The following SLC4A4 variants were observed in gnomAD, a reference collection of about 807,000 sequenced individuals.
The protein encoded by SLC4A4 is solute carrier family 4 member 4.
In SLC4A4, 27 loss-of-function variants were observed where a neutral mutation model predicts 111.5. That is an observed-to-expected ratio of 0.24 (90% confidence interval 0.18 to 0.33). The LOEUF is 0.33. SLC4A4 is among the 10% of genes least tolerant of loss of function. The pLI is 1.00. For missense variants in SLC4A4, 909 were observed against 1,315.5 expected (o/e 0.69, Z 4.78); for synonymous variants, 443 against 463.4 (o/e 0.96, Z 0.57).
intron 13 of SLC4A4, among the ~76,000 whole-genome samples, chr4:71,469,365 G>A (rs747499325): frequency 6.6e-6 from 1 of 151,746 alleles, no homozygotes; most frequent in Non-Finnish European, 1.5e-5. Flanking sequence ...GATATTACCG[G>A]ATGTATTTTT....
Position 71,453,519 on chromosome 4 carries a change from C to T in SLC4A4, c.1347C>T (p.Asp449=). The T allele has an allele frequency of 6.2e-7, 1 of 1,613,894 alleles. No individual in the cohort carries two copies. Among genetic ancestry groups the T allele is most frequent in the Non-Finnish European group, 8.5e-7 (1 of 1,179,830 alleles). ...TGRFCGGLIK[D]IKRKAPFFAS... is the part of the protein sequence containing the mutation. ...GGTTCTGTGGTGGACTAATTAAAGA[C>T]ATAAAGAGGAAAGCGCCATTTTTTG... The change falls in exon 12 of 26, where the codon GAC becomes GAT. Residue 449 remains aspartate, a synonymous_variant. Coordinates refer to ENST00000264485, the MANE Select transcript of SLC4A4 (RefSeq NM_001098484.3).
chr4:71,502,720 A>G (rs1362450301), intron 16 of SLC4A4, among the ~76,000 whole-genome samples: 1 of 152,112 alleles, frequency 6.6e-6, no homozygotes, highest in Non-Finnish European at 1.5e-5. Context: ...GTTTTCTTAA[A>G]TTTTCTAAGA....
At chr4:71,339,541 G>A in intron 4 of SLC4A4, 36 bp downstream of exon 4, 2 of 1,603,704 alleles carry the variant, frequency 1.2e-6, no homozygotes, top group Non-Finnish European at 1.7e-6. Context: ...TACTGACCCA[G>A]GGAAACAAGG....
chr4:71,413,016 A>G (rs1003106362), intron 7 of SLC4A4, among the ~76,000 whole-genome samples: 4 of 152,326 alleles, frequency 2.6e-5, no homozygotes, highest in Non-Finnish European at 5.9e-5. Flanking sequence ...CTCAGCCAGA[A>G]GCCCCCAGAT....
intron 12 of SLC4A4, among the ~76,000 whole-genome samples, chr4:71,458,465 T>C (rs1054770072): frequency 5.9e-5 from 9 of 152,080 alleles, no homozygotes; most frequent in African/African-American, 2.2e-4. Context: ...TAATTTTAAT[T>C]TTTTTCCAGG....
intron 16 of SLC4A4, among the ~76,000 whole-genome samples, chr4:71,517,375 C>T (rs1447650070): frequency 6.6e-6 from 1 of 151,620 alleles, no homozygotes; most frequent in Non-Finnish European, 1.5e-5. Flanking sequence ...GCTGTTGATG[C>T]TCTTTATTGC....
chr4:71,275,780 C>A (rs1006560728), intron 3 of SLC4A4, among the ~76,000 whole-genome samples: 1 of 152,226 alleles, frequency 6.6e-6, no homozygotes, highest in Non-Finnish European at 1.5e-5. Flanking sequence ...TATTGGGCTG[C>A]GGCTTCCTAG....
intron 7 of SLC4A4, among the ~76,000 whole-genome samples, chr4:71,402,697 C>T (rs1351763484): frequency 2.0e-5 from 3 of 152,226 alleles, no homozygotes; most frequent in Non-Finnish European, 4.4e-5. Flanking sequence ...GGTCCTTAGT[C>T]ACTACAGTTT....
At chr4:71,410,275 G>T (rs1721250503) in intron 7 of SLC4A4, among the ~76,000 whole-genome samples, 2 of 152,140 alleles carry the variant, frequency 1.3e-5, no homozygotes, top group African/African-American at 2.4e-5. Context: ...TGGAAAAGCT[G>T]AAGACACTCA....
At chr4:71,456,819 G>A (rs1577950871) in intron 12 of SLC4A4, among the ~76,000 whole-genome samples, 1 of 152,144 alleles carries the variant, frequency 6.6e-6, no homozygotes, top group Admixed American at 6.5e-5. Context: ...TTTAGGGGAT[G>A]AAGTCCTCTG....
intron 23 of SLC4A4, among the ~76,000 whole-genome samples, chr4:71,562,952 C>T (rs1563089): frequency 0.87 from 131,695 of 151,610 alleles, 58,179 homozygotes; most frequent in Non-Finnish European, 0.96. Flanking sequence ...CAACTAAAAA[C>T]CATCTTTTTG....
intron 6 of SLC4A4, among the ~76,000 whole-genome samples, chr4:71,391,862 C>A (rs1159368850): frequency 6.6e-6 from 1 of 151,968 alleles, no homozygotes; most frequent in Admixed American, 6.6e-5. Context: ...ACACCACTTG[C>A]CCAAGAAGCA....
intron 1 of SLC4A4, among the ~76,000 whole-genome samples, chr4:71,218,524 C>T (rs1447058963): frequency 6.6e-6 from 1 of 152,086 alleles, no homozygotes; most frequent in East Asian, 1.9e-4. Context: ...CTTAGTGTTC[C>T]AGACCCATTC....
At chr4:71,266,283 TGTTA>T (rs1280164996) in intron 3 of SLC4A4, among the ~76,000 whole-genome samples, 1 of 152,222 alleles carries the variant, frequency 6.6e-6, no homozygotes, top group African/African-American at 2.4e-5. Flanking sequence ...AAATACCATA[TGTTA>T]GTTCATTCCT....
intron 3 of SLC4A4, chr4:71,301,072 C>T (rs1725214583): frequency 1.3e-5 from 5 of 393,870 alleles, no homozygotes; most frequent in Admixed American, 5.5e-5. Context: ...CAACTCAGCT[C>T]CACAGCTGAG....
Position 71,350,053 on chromosome 4 carries a change from T to C in SLC4A4, c.531T>C (p.Ser177=). 6.2e-7 allele frequency: 1 copy of C among 1,614,128 alleles called. No homozygotes were observed. The stretch of plus-strand genomic sequence containing the variant: ...CCATCATGCTTGATCGGGAGGCTTC[T>C]TCTCTCCCACAGTTGGTGGGTAAGT... The part of the protein sequence containing the change: ...KGSIMLDREA[S]SLPQLVEMIV... Residue 177 remains serine (S), a synonymous_variant, in exon 5 of 26, where the codon TCT becomes TCC. Transcript: ENST00000264485.
At chr4:71,566,229 T>C (rs778994785) in intron 24 of SLC4A4, among the ~76,000 whole-genome samples, 1 of 147,998 alleles carries the variant, frequency 6.8e-6, no homozygotes, top group Non-Finnish European at 1.5e-5. Flanking sequence ...TATGAATTTC[T>C]TTTTGAGTTT....
intron 1 of SLC4A4, among the ~76,000 whole-genome samples, chr4:71,227,381 C>A (rs1005218265): frequency 1.3e-5 from 2 of 152,046 alleles, no homozygotes; most frequent in African/African-American, 4.8e-5. Context: ...GGAGAGATAC[C>A]AAAGTGTGTT....
intron 7 of SLC4A4, among the ~76,000 whole-genome samples, chr4:71,428,006 T>A (rs1454926242): frequency 6.6e-6 from 1 of 152,190 alleles, no homozygotes; most frequent in African/African-American, 2.4e-5. Context: ...CATGACACTT[T>A]AATTTTCCCA....
Sources: allele counts gnomAD v4.1 joint callset (sites outside exome capture counted in the v4.1 genomes callset), GRCh38; gene constraint gnomAD v4.1.1; transcripts MANE v1.5; gene names NCBI Gene and HGNC (gene_info 2026-07-23, HGNC 2026-07-21).